Variants in PRDM16 observed in about 807,000 individuals in gnomAD.
The protein encoded by PRDM16 is histone-lysine N-methyltransferase PRDM16.
A neutral mutation model predicts 110.6 loss-of-function variants in PRDM16; 23 were observed. That is an observed-to-expected ratio of 0.21 (90% confidence interval 0.15 to 0.29). The LOEUF (loss-of-function observed/expected upper bound fraction) is 0.29. Ranked by LOEUF, PRDM16 falls within the 10% of genes least tolerant of loss-of-function variation. The pLI, the probability that PRDM16 is intolerant of heterozygous loss-of-function variation, is 1.00. For missense variants in PRDM16, 1,615 were observed against 1,794.3 expected (o/e 0.90, Z 1.81); for synonymous variants, 799 against 781.8 (o/e 1.02, Z -0.37).
Position 3,412,107 on chromosome 1 carries a change from A to G in PRDM16, c.1910A>G (p.Lys637Arg). Residue 637 changes from lysine (K) to arginine (R), a missense_variant, in exon 9 of 17, where the codon AAG becomes AGG. This residue lies in a region of PRDM16 where 772 missense variants were observed against 748.3 expected (regional missense o/e 1.03). Coordinates refer to ENST00000270722, the MANE Select transcript of PRDM16 (RefSeq NM_022114.4). ...SDVDSDPDKD[K>R]GKGKSAEGQP... Reference sequence around the variant, plus strand: ...GTGGACAGCGACCCTGACAAGGACAAGGGCAAGGGCAAGTCCGCCGAGGGC... The same window carrying G: ...GTGGACAGCGACCCTGACAAGGACAGGGGCAAGGGCAAGTCCGCCGAGGGC... 1 of 1,574,736 alleles carries G rather than the reference A, an allele frequency of 6.4e-7. No homozygotes were observed. The highest frequency in any genetic ancestry group is 1.2e-5 in the South Asian group (1 of 85,038).
Position 3,402,744 on chromosome 1 carries a change from G to A in PRDM16, c.677-47G>A, listed in dbSNP as rs961095813. 5.8e-6 allele frequency: 9 copies of A among 1,558,922 alleles called. No individual in the cohort carries two copies. In the African/African-American group the frequency reaches 1.2e-4, roughly 21 times the overall value. The stretch of plus-strand genomic sequence containing the variant: ...CTCCAGAGTCCCCTGATAGCCCTGG[G>A]CTGGGTCTCCAGCTCACTCACCACC... On this transcript the variant is annotated intron_variant, in intron 5 of 16. Coordinates refer to ENST00000270722, the MANE Select transcript of PRDM16 (RefSeq NM_022114.4).
chr1:3,150,254 A>G (rs1031937853), intron 1 of PRDM16, among the ~76,000 whole-genome samples: 1 of 152,168 alleles, frequency 6.6e-6, no homozygotes. Flanking sequence ...GCCCTTGGCT[A>G]TCTAAAAATT....
intron 1 of PRDM16, among the ~76,000 whole-genome samples, chr1:3,135,016 G>A (rs1569649052): frequency 6.6e-6 from 1 of 152,230 alleles, no homozygotes; most frequent in African/African-American, 2.4e-5. Flanking sequence ...CTCCTGGTCC[G>A]CGTGCTGCTG....
intron 1 of PRDM16, among the ~76,000 whole-genome samples, chr1:3,167,529 C>T (rs1320367456): frequency 6.6e-6 from 1 of 152,028 alleles, no homozygotes; most frequent in Non-Finnish European, 1.5e-5. Flanking sequence ...AGGTGCCAAC[C>T]CGGAGCCTCC....
At chr1:3,402,323 G>A (rs898008163) in intron 5 of PRDM16, among the ~76,000 whole-genome samples, 1 of 152,248 alleles carries the variant, frequency 6.6e-6, no homozygotes, top group Non-Finnish European at 1.5e-5. Context: ...AAGGCAGTCA[G>A]GATGCTGCCT....
Position 3,144,716 on chromosome 1 carries a change from G to A in PRDM16, c.38-41409G>A, listed in dbSNP as rs556249989. Among the ~76,000 whole-genome samples, 13 of 152,326 alleles carry A rather than the reference G, an allele frequency of 8.5e-5. No individual in the cohort carries two copies. The South Asian group carries it at 2.3e-3, about 27-fold the overall frequency. On this transcript the variant is annotated intron_variant, in intron 1 of 16. Coordinates refer to ENST00000270722, the MANE Select transcript of PRDM16 (RefSeq NM_022114.4). ...CTACAGATGGGCTATGCACCCAGCC[G>A]CCCAGCTCAGCCCCTGCACGGGGTC...
At chr1:3,405,463 A>G (rs1440274351) in intron 7 of PRDM16, 32 bp from the exon 8 acceptor site, 1 of 1,521,248 alleles carries the variant, frequency 6.6e-7, no homozygotes, top group Non-Finnish European at 8.8e-7. Context: ...GTGTCCAGGC[A>G]GGGCACGCGC....
chr1:3,402,827 T>A lies in PRDM16; in HGVS notation c.713T>A (p.Leu238His). ...PTFRCDECDE[L>H]FQSKLDLRRH... ...TTCCGCTGTGACGAGTGTGACGAAC[T>A]CTTCCAGTCCAAGCTGGACCTGCGG... Residue 238 changes from leucine to histidine, a missense_variant, in exon 6 of 17, where the codon CTC becomes CAC. Physicochemically the swap from Leu to His is moderately conservative, Grantham distance 99. Coordinates refer to ENST00000270722, the MANE Select transcript of PRDM16 (RefSeq NM_022114.4). 2 of 1,612,854 alleles carry A rather than the reference T, an allele frequency of 1.2e-6. No homozygotes were observed. The highest frequency in any genetic ancestry group is 1.7e-4 in the Middle Eastern group (1 of 6,060).
Position 3,390,618 on chromosome 1 carries a change from G to A in PRDM16, c.573+5332G>A, listed in dbSNP as rs1255908653. Among the ~76,000 whole-genome samples the A allele has an allele frequency of 6.6e-6, 1 of 152,166 alleles. No homozygotes were observed. The highest frequency in any genetic ancestry group is 1.9e-4 in the East Asian group (1 of 5,168). On this transcript the variant is annotated intron_variant, in intron 4 of 16. Transcript: ENST00000270722. The surrounding 1 kb of genome is among the most constrained non-coding windows in gnomAD (Gnocchi z 5.0). ...GCACCGCGTGGACAAGAGCCCGCGC[G>A]GGTTGTTCATGAGAACCAGGTGTCT...
chr1:3,305,544 G>A (rs1354054550), intron 3 of PRDM16, among the ~76,000 whole-genome samples: 1 of 152,240 alleles, frequency 6.6e-6, no homozygotes, highest in Non-Finnish European at 1.5e-5. Flanking sequence ...CCCACATGCA[G>A]GTAATGATGT....
intron 3 of PRDM16, among the ~76,000 whole-genome samples, chr1:3,334,788 C>A (rs576849854): frequency 1.3e-5 from 2 of 152,246 alleles, no homozygotes; most frequent in South Asian, 4.1e-4. Flanking sequence ...ACAGAGCAAA[C>A]GAACACTCAC....
chr1:3,368,564 G>A (rs1426232398), intron 3 of PRDM16, among the ~76,000 whole-genome samples: 2 of 152,200 alleles, frequency 1.3e-5, no homozygotes, highest in African/African-American at 4.8e-5. Context: ...GGGGAAAGGG[G>A]CCATCTTTGC....
intron 3 of PRDM16, among the ~76,000 whole-genome samples, chr1:3,327,715 T>G (rs1411225931): frequency 2.0e-5 from 3 of 151,966 alleles, no homozygotes; most frequent in Non-Finnish European, 4.4e-5. Context: ...CAAGGCCCAC[T>G]CAAAGCGCCA....
At chr1:3,355,780 C>G (rs1474756451) in intron 3 of PRDM16, among the ~76,000 whole-genome samples, 1 of 152,192 alleles carries the variant, frequency 6.6e-6, no homozygotes, top group Non-Finnish European at 1.5e-5. Flanking sequence ...CACTTGCCCC[C>G]AAGACAGTGC....
rs180720604 is a variant in PRDM16, at chr1:3,437,786, A to C, written c.*3975A>C. ...AAATAAATAAATAAAAGGCAGCTTG[A>C]GTTTCCAAACGTGTGATTCACTTGT... On this transcript the variant is annotated 3_prime_UTR_variant, in exon 17 of 17. Transcript: ENST00000270722. The C allele has an allele frequency of 6.5e-4, 142 of 219,236 alleles. No individual in the cohort carries two copies. Among genetic ancestry groups the C allele is most frequent in the African/African-American group, 3.1e-3 (138 of 44,636 alleles). The allele number at this position is 219,236 out of a possible 1,614,324, so 13.6% of individuals were successfully genotyped here. A position where few individuals can be genotyped will look rare whatever the true frequency, so the allele number is the denominator to read the frequency against.
intron 3 of PRDM16, among the ~76,000 whole-genome samples, chr1:3,270,277 G>A (rs148888074): frequency 2.0e-3 from 304 of 148,614 alleles, no homozygotes; most frequent in African/African-American, 7.3e-3. Flanking sequence ...GCACAGTCCC[G>A]GAGGAGGACA....
chr1:3,278,642 G>A (rs942349837), intron 3 of PRDM16, among the ~76,000 whole-genome samples: 84 of 152,262 alleles, frequency 5.5e-4, no homozygotes, highest in African/African-American at 1.9e-3. Flanking sequence ...CAGGACACCC[G>A]GCAGCCACAA....
Position 3,121,434 on chromosome 1 carries a change from C to T in PRDM16, c.37+52138C>T, listed in dbSNP as rs576486431. On this transcript the variant is annotated intron_variant, in intron 1 of 16. Coordinates refer to ENST00000270722, the MANE Select transcript of PRDM16 (RefSeq NM_022114.4). ...TTTCAGGACCGGGCTCAGAAAAGAT[C>T]AGCTCCTGATGAAAACAAAACACAG... 1.2e-4 allele frequency among the ~76,000 whole-genome samples: 18 copies of T among 152,352 alleles called. 1 individual carries two copies. The highest frequency in any genetic ancestry group is 4.3e-4 in the African/African-American group (18 of 41,588).
At chr1:3,123,058 G>T (rs2100665821) in intron 1 of PRDM16, among the ~76,000 whole-genome samples, 1 of 152,370 alleles carries the variant, frequency 6.6e-6, no homozygotes, top group Admixed American at 6.5e-5. Flanking sequence ...TGAGAAGTCA[G>T]TGTTCTTCGG....
Sources: gnomAD v4.1 joint callset for allele counts (sites outside exome capture counted in the v4.1 genomes callset) on GRCh38, gnomAD v4.1.1 for gene constraint, gnomAD v4.1.1 regional missense constraint, Gnocchi (gnomAD v3.1) non-coding constraint, MANE v1.5 for transcripts, NCBI Gene and HGNC (gene_info 2026-07-23, HGNC 2026-07-21) for gene names.